Variants in ANK3 observed in about 807,000 individuals in gnomAD.
The protein encoded by ANK3 is ankyrin 3.
In ANK3, 57 loss-of-function variants were observed where a neutral mutation model predicts 370.9. The ratio of observed to expected loss-of-function variants is 0.15; its 90% CI spans 0.12 to 0.19. ANK3 has a LOEUF of 0.19. Ranked by LOEUF, ANK3 falls within the 10% of genes least tolerant of loss-of-function variation. The pLI, the probability that ANK3 is intolerant of heterozygous loss-of-function variation, is 1.00. For missense variants in ANK3, 4,439 were observed against 5,302.1 expected, an observed-to-expected ratio of 0.84 and a Z score of 5.06; for synonymous variants, 1,929 against 1,946.3, an observed-to-expected ratio of 0.99 and a Z score of 0.23.
In ANK3 at chr10:60,206,949, T is replaced by C. The variant is rs1413237290; in HGVS notation, c.1195-1059A>G. Among the ~76,000 whole-genome samples the C allele has an allele frequency of 2.6e-5, 4 of 152,160 alleles. No homozygotes were observed. The East Asian group carries it at 7.7e-4, about 29-fold the overall frequency. ...CCAGGATGACTGGCTACAACCTCCA[T>C]ATGTTGTGAAATCTTCAGAGTCAGA... On this transcript the variant is annotated intron_variant, in intron 10 of 43. Transcript: ENST00000280772.
At chr10:60,411,527 C>G (rs927555840) in intron 2 of ANK3, among the ~76,000 whole-genome samples, 7 of 152,184 alleles carry the variant, frequency 4.6e-5, no homozygotes, top group Admixed American at 4.6e-4. Flanking sequence ...GCTTCTCAGT[C>G]TCTGGAGGGG....
chr10:60,388,515 G>T (rs2062736306), intron 1 of ANK3, among the ~76,000 whole-genome samples: 3 of 152,120 alleles, frequency 2.0e-5, no homozygotes, highest in Admixed American at 1.3e-4. Context: ...AGATCACAGA[G>T]TTTTAGTCAA....
rs1056256776 is a variant in ANK3, at chr10:60,514,531, C to A, written c.96+100655G>T. ...CTTTACATTAATCTTGCAGTTGGAT[C>A]CCCCCATATACATCCTTTAATCCCT... On this transcript the variant is annotated intron_variant, in intron 2 of 43. Transcript: ENST00000373827. Among the ~76,000 whole-genome samples the A allele has an allele frequency of 3.8e-4, 58 of 151,980 alleles. 1 individual carries two copies. Among genetic ancestry groups the A allele is most frequent in the Admixed American group, 1.3e-4 (2 of 15,252 alleles).
chr10:60,191,159 T>C (rs918397132), intron 16 of ANK3, among the ~76,000 whole-genome samples: 2 of 152,238 alleles, frequency 1.3e-5, no homozygotes, highest in East Asian at 1.9e-4. Flanking sequence ...AAAAACTCTT[T>C]TGGGCATTGA....
chr10:60,075,311 T>G lies in ANK3; in HGVS notation c.5570A>C (p.Lys1857Thr). ...KSAAALLSPI[K>T]TLTTETHPQP... ...AGGATGTGTCTCCGTAGTCAATGTT[T>G]TAATGGGTGACAGCAAGGCTGCTGC... The change falls in exon 37 of 44, where the codon AAA (lysine) becomes ACA (threonine). Residue 1857 changes from lysine (K) to threonine (T), a missense_variant. Lys to Thr is a moderately conservative substitution (Grantham distance 78). Around this residue, in one of 13 missense-constraint regions of ANK3, gnomAD observed 679 missense variants for 791.0 expected, o/e 0.86. Coordinates refer to ENST00000280772, the MANE Select transcript of ANK3 (RefSeq NM_020987.5). The G allele has an allele frequency of 6.2e-7, 1 of 1,614,176 alleles. No homozygotes were observed. The highest frequency in any genetic ancestry group is 1.3e-5 in the African/African-American group (1 of 75,058).
intron 2 of ANK3, among the ~76,000 whole-genome samples, chr10:60,501,194 G>A (rs1177201204): frequency 6.6e-6 from 1 of 152,182 alleles, no homozygotes; most frequent in African/African-American, 2.4e-5. Flanking sequence ...GAATAGGGCA[G>A]AGAGGACAGT....
chr10:60,134,482 A>G, intron 24 of ANK3, 109 bp from the exon 25 acceptor site: 2 of 736,450 alleles, frequency 2.7e-6, no homozygotes, highest in Non-Finnish European at 4.3e-6. Flanking sequence ...AAAAATATCA[A>G]CAAAAGTTGT....
intron 1 of ANK3, among the ~76,000 whole-genome samples, chr10:60,724,202 T>C (rs1468303840): frequency 2.6e-5 from 2 of 76,894 alleles, no homozygotes; most frequent in Non-Finnish European, 2.3e-5. Flanking sequence ...AGAGCAAGAC[T>C]CCGTCTCAAA....
At chr10:60,486,275 A>G (rs566041541) in intron 2 of ANK3, among the ~76,000 whole-genome samples, 77 of 152,354 alleles carry the variant, frequency 5.1e-4, no homozygotes, top group African/African-American at 1.5e-3. Context: ...TTAAGCCTCA[A>G]TTAAAATCTA....
intron 1 of ANK3, among the ~76,000 whole-genome samples, chr10:60,698,430 G>A (rs1237117943): frequency 6.7e-6 from 1 of 149,918 alleles, no homozygotes; most frequent in East Asian, 1.9e-4. Flanking sequence ...AGAAATCATG[G>A]TTCTATAAAG....
intron 23 of ANK3, among the ~76,000 whole-genome samples, chr10:60,141,376 CTG>C (rs919138242): frequency 2.7e-4 from 41 of 151,954 alleles, no homozygotes; most frequent in Middle Eastern, 3.2e-3. Flanking sequence ...GGAGAGGCCT[CTG>C]TTGCCCCAGA....
intron 7 of ANK3, among the ~76,000 whole-genome samples, chr10:60,252,083 G>T (rs2097676051): frequency 6.6e-6 from 1 of 152,230 alleles, no homozygotes; most frequent in Non-Finnish European, 1.5e-5. Context: ...TCTTGCTTAA[G>T]TTTGGAAGAG....
intron 1 of ANK3, among the ~76,000 whole-genome samples, chr10:60,726,716 G>T (rs1469853613): frequency 6.6e-6 from 1 of 152,042 alleles, no homozygotes; most frequent in African/African-American, 2.4e-5. Flanking sequence ...AAATTAGTTT[G>T]TGGTGGTGGT....
chr10:60,416,936 A>G (rs545355322), intron 2 of ANK3, among the ~76,000 whole-genome samples: 2 of 152,296 alleles, frequency 1.3e-5, no homozygotes, highest in East Asian at 3.9e-4. Context: ...TGACTACAAA[A>G]ATGGTTTTTG....
intron 25 of ANK3, among the ~76,000 whole-genome samples, chr10:60,122,057 G>T (rs1182681417): frequency 6.6e-6 from 1 of 152,152 alleles, no homozygotes; most frequent in Non-Finnish European, 1.5e-5. Context: ...GGAAAAGCTT[G>T]GCTTTGAAGT....
intron 1 of ANK3, among the ~76,000 whole-genome samples, chr10:60,336,544 C>T (rs573754166): frequency 1.3e-5 from 2 of 151,806 alleles, no homozygotes; most frequent in East Asian, 1.9e-4. Flanking sequence ...TTGCATATTT[C>T]GGGTATGGTG....
At chr10:60,283,053 T>C (rs1417697340) in intron 1 of ANK3, among the ~76,000 whole-genome samples, 1 of 152,188 alleles carries the variant, frequency 6.6e-6, no homozygotes, top group Non-Finnish European at 1.5e-5. Context: ...TGGATACACA[T>C]TGGTGGAACA....
intron 1 of ANK3, among the ~76,000 whole-genome samples, chr10:60,320,327 C>G (rs1202969617): frequency 6.6e-6 from 1 of 152,204 alleles, no homozygotes; most frequent in African/African-American, 2.4e-5. Flanking sequence ...GGTATGGTGG[C>G]TCATGCCTCT....
At chr10:60,245,636 T>C (rs1464158675) in intron 7 of ANK3, among the ~76,000 whole-genome samples, 1 of 152,222 alleles carries the variant, frequency 6.6e-6, no homozygotes, top group East Asian at 1.9e-4. Context: ...TCACTTAGCA[T>C]GTTTTCAAGG....
Sources: gnomAD v4.1 joint callset for allele counts (sites outside exome capture counted in the v4.1 genomes callset) on GRCh38, gnomAD v4.1.1 for gene constraint, gnomAD v4.1.1 regional missense constraint, MANE v1.5 for transcripts, NCBI Gene and HGNC (gene_info 2026-07-23, HGNC 2026-07-21) for gene names.